PHAF1: variants seen among roughly 807,000 people sequenced by gnomAD.
The protein encoded by PHAF1 is phagophore assembly factor 1, also known as phagosome assembly factor 1.
A neutral mutation model predicts 63.1 loss-of-function variants in PHAF1; 23 were observed. That is an observed-to-expected ratio of 0.36 (90% confidence interval 0.26 to 0.52). The LOEUF is 0.52. Among genes scored for constraint, PHAF1 ranks in the 20% least tolerant of loss-of-function variants. The probability of loss-of-function intolerance (pLI) is 0.93; values close to 1 mark genes in which losing one functional copy is unlikely to be tolerated. For synonymous variants in PHAF1, 167 were observed against 185.0 expected, an observed-to-expected ratio of 0.90 and a Z score of 0.79; for missense variants, 427 against 517.2, an observed-to-expected ratio of 0.83 and a Z score of 1.69.
chr16:67,131,427 G>A, intron 4 of PHAF1, 98 bp downstream of exon 4: 1 of 899,336 alleles, frequency 1.1e-6, no homozygotes. Context: ...TGTCACAGAT[G>A]TGAATTATAG....
chr16:67,118,123 A>ATTTT (rs772394136), intron 1 of PHAF1, among the ~76,000 whole-genome samples: 3 of 120,950 alleles, frequency 2.5e-5, no homozygotes, highest in Non-Finnish European at 5.2e-5. Context: ...CGCCCGGCTA[A>ATTTT]TTTTTTTTTT....
In PHAF1 at chr16:67,141,979, G is replaced by A. The variant is rs550786175; in HGVS notation, c.879+1385G>A. Among the ~76,000 whole-genome samples the A allele has an allele frequency of 7.2e-4, 109 of 152,358 alleles. 1 individual carries two copies. Among genetic ancestry groups the A allele is most frequent in the African/African-American group, 2.5e-3 (106 of 41,586 alleles). ...AGTCCCACCATTCGGTGGGTCCCGA[G>A]TTCTTGTCCTGCGGCCAGGAAGAAT... is the stretch of plus-strand genomic sequence containing the variant. On this transcript the variant is annotated intron_variant, in intron 10 of 15. Transcript: ENST00000219139.
intron 1 of PHAF1, among the ~76,000 whole-genome samples, chr16:67,117,812 T>TC (rs1962800632): frequency 6.7e-6 from 1 of 149,816 alleles, no homozygotes; most frequent in Admixed American, 6.6e-5. Flanking sequence ...CCTGTTGCTT[T>TC]TTTTTTTTTT....
At chr16:67,132,748 G>A in intron 5 of PHAF1, 69 bp from the exon 6 acceptor site, 2 of 1,388,894 alleles carry the variant, frequency 1.4e-6, no homozygotes, top group South Asian at 1.2e-5. Flanking sequence ...CTCCCTGCCA[G>A]GCTGGTTTAT....
At chr16:67,144,233 A>G in intron 10 of PHAF1, 61 bp from the exon 11 acceptor site, 3 of 1,267,418 alleles carry the variant, frequency 2.4e-6, no homozygotes, top group Middle Eastern at 3.7e-4. Flanking sequence ...ATGCCTTTGG[A>G]AAGGCCTCTG....
chr16:67,145,852 G>A (rs796613721), intron 14 of PHAF1, among the ~76,000 whole-genome samples: 4 of 152,292 alleles, frequency 2.6e-5, no homozygotes, highest in African/African-American at 9.6e-5. Context: ...CCTCTCCCAA[G>A]CCTACCTCTA....
chr16:67,146,059 A>G (rs901710540), intron 14 of PHAF1, among the ~76,000 whole-genome samples: 2 of 152,092 alleles, frequency 1.3e-5, no homozygotes, highest in Admixed American at 1.3e-4. Context: ...CCAGTTCCAC[A>G]GTAACTTTTT....
In PHAF1 at chr16:67,110,053, A is replaced by C; in HGVS notation, c.-123A>C. ...GCTGCTGCCGCTGCCGCCGGGGAGGAGGTGGAAAGCGGGGCTGTGGCGGGC... is the reference window on the plus strand; with the variant it reads ...GCTGCTGCCGCTGCCGCCGGGGAGGCGGTGGAAAGCGGGGCTGTGGCGGGC... On this transcript the variant is annotated 5_prime_UTR_variant, in exon 1 of 16. Transcript: ENST00000219139. The C allele has an allele frequency of 1.0e-6, 1 of 974,648 alleles. No homozygotes were observed. The highest frequency in any genetic ancestry group is 2.7e-5 in the East Asian group (1 of 37,576). The allele number at this position is 974,648 out of a possible 1,614,324, so 60.4% of individuals were successfully genotyped here.
At position 67,147,223 on chromosome 16, in the gene PHAF1, C is replaced by A; in HGVS notation, c.*92C>A. ...GTACCACCCTGTGGGTTTTCTTGGACACCTGGCCAGTGCTGAAGGGCTGTT... is the reference window on the plus strand; with the variant it reads ...GTACCACCCTGTGGGTTTTCTTGGAAACCTGGCCAGTGCTGAAGGGCTGTT... On this transcript the variant is annotated 3_prime_UTR_variant, in exon 16 of 16. Coordinates refer to ENST00000219139, the MANE Select transcript of PHAF1 (RefSeq NM_025187.5). 7.8e-7 allele frequency: 1 copy of A among 1,274,056 alleles called. No homozygotes were observed. Among genetic ancestry groups the A allele is most frequent in the Non-Finnish European group, 1.1e-6 (1 of 884,230 alleles). The allele number at this position is 1,274,056 out of a possible 1,614,324, so 78.9% of individuals were successfully genotyped here.
rs1382588660 is a variant in PHAF1, at chr16:67,114,394, T to C, written c.64+4155T>C. On this transcript the variant is annotated intron_variant, in intron 1 of 15. Coordinates refer to ENST00000219139, the MANE Select transcript of PHAF1 (RefSeq NM_025187.5). The stretch of plus-strand genomic sequence containing the variant: ...TGATCTTATTCCCTGAAGAGCTTAG[T>C]CTAGTGATAGAGAGGGATTATAGAA... Among the ~76,000 whole-genome samples the C allele has an allele frequency of 3.3e-5, 5 of 151,356 alleles. 1 individual carries two copies. The highest frequency in any genetic ancestry group is 1.2e-4 in the African/African-American group (5 of 41,228).
In PHAF1 at chr16:67,132,480, A is replaced by T. The variant is rs753268610; in HGVS notation, c.310A>T (p.Thr104Ser). The change falls in exon 5 of 16, where the codon ACC becomes TCC. Residue 104 changes from threonine (T) to serine (S), a missense_variant. Physicochemically the swap from Thr to Ser is moderately conservative, Grantham distance 58 (BLOSUM62 1). Transcript: ENST00000219139. ...TTTTAATTCTCAGGCCATAGCTCCT[A>T]CCATTGAACAGATTGACCAGTCTTT... Reference protein sequence around the residue: ...VHFNSQAIAPTIEQIDQSFGA... With the variant: ...VHFNSQAIAPSIEQIDQSFGA... The T allele has an allele frequency of 6.2e-7, 1 of 1,613,730 alleles. No individual in the cohort carries two copies.
At chr16:67,121,618 T>C (rs1411369176) in intron 2 of PHAF1, among the ~76,000 whole-genome samples, 2 of 151,320 alleles carry the variant, frequency 1.3e-5, no homozygotes, top group East Asian at 3.9e-4. Flanking sequence ...TTTGCTGTTG[T>C]TGCGCAAACT....
chr16:67,128,306 GA>G (rs1016956628), intron 3 of PHAF1, among the ~76,000 whole-genome samples: 3 of 152,178 alleles, frequency 2.0e-5, no homozygotes, highest in Non-Finnish European at 4.4e-5. Flanking sequence ...GATAGGAAAG[GA>G]GATAAAATCA....
At chr16:67,134,578 A>T in intron 8 of PHAF1, 111 bp downstream of exon 8, 1 of 964,362 alleles carries the variant, frequency 1.0e-6, no homozygotes, top group South Asian at 1.3e-5. Flanking sequence ...GCTATAATAA[A>T]ATACCATAAA....
chr16:67,131,178 T>G, intron 3 of PHAF1, 108 bp from the exon 4 acceptor site: 2 of 541,584 alleles, frequency 3.7e-6, no homozygotes, highest in Non-Finnish European at 5.9e-6. Flanking sequence ...CTATTGGTAA[T>G]AGTTTTTTTT....
intron 10 of PHAF1, among the ~76,000 whole-genome samples, chr16:67,141,488 G>A (rs1047065551): frequency 1.3e-5 from 2 of 152,200 alleles, no homozygotes; most frequent in Non-Finnish European, 2.9e-5. Flanking sequence ...CTCCCGCTGG[G>A]CTCATTCAGC....
At chr16:67,130,543 T>A (rs1963354893) in intron 3 of PHAF1, among the ~76,000 whole-genome samples, 1 of 151,096 alleles carries the variant, frequency 6.6e-6, no homozygotes, top group South Asian at 2.1e-4. Context: ...GAGACAGGAT[T>A]TCACCATGTT....
At chr16:67,122,480 A>G (rs1235578221) in intron 2 of PHAF1, among the ~76,000 whole-genome samples, 2 of 150,556 alleles carry the variant, frequency 1.3e-5, no homozygotes, top group Admixed American at 6.7e-5. Flanking sequence ...AATCCTGGCT[A>G]TTCAGGAGGC....
intron 1 of PHAF1, among the ~76,000 whole-genome samples, chr16:67,119,707 T>C (rs977315601): frequency 8.7e-5 from 13 of 149,616 alleles, no homozygotes; most frequent in Admixed American, 8.0e-4. Context: ...TTTTTTTTTT[T>C]AGTAGAGTCA....
Sources: gnomAD v4.1 joint callset for allele counts (sites outside exome capture counted in the v4.1 genomes callset) on GRCh38, gnomAD v4.1.1 for gene constraint, MANE v1.5 for transcripts, NCBI Gene and HGNC (gene_info 2026-07-23, HGNC 2026-07-21) for gene names.